Variants in AMPH observed in about 807,000 individuals in gnomAD.
AMPH encodes the protein amphiphysin (Stiff-Mann syndrome with breast cancer 128kD autoantigen).
AMPH carries 49 observed loss-of-function variants against 99.1 expected under a neutral mutation model. The ratio of observed to expected loss-of-function variants is 0.49; its 90% confidence interval spans 0.39 to 0.63. The LOEUF is 0.63. Ranked by LOEUF, AMPH falls within the 20% of genes least tolerant of loss-of-function variation. The probability of loss-of-function intolerance (pLI) is 0.00; values close to 1 mark genes in which losing one functional copy is unlikely to be tolerated. For missense variants in AMPH, 759 were observed against 863.4 expected, an observed-to-expected ratio of 0.88 and a Z score of 1.52; for synonymous variants, 314 against 317.3, an observed-to-expected ratio of 0.99 and a Z score of 0.11.
intron 1 of AMPH, among the ~76,000 whole-genome samples, chr7:38,624,546 TAAA>T (rs57099272): frequency 2.3e-5 from 3 of 130,272 alleles, no homozygotes; most frequent in African/African-American, 2.8e-5. Flanking sequence ...ACAGTCATGG[TAAA>T]AAAAAAAAAA....
chr7:38,605,829 G>A (rs932847995), intron 1 of AMPH, among the ~76,000 whole-genome samples: 33 of 151,996 alleles, frequency 2.2e-4, no homozygotes, highest in African/African-American at 7.5e-4. Flanking sequence ...TGATTCACCC[G>A]CCTCCCAAAG....
chr7:38,439,521 A>C (rs1786421148), intron 11 of AMPH, among the ~76,000 whole-genome samples: 1 of 152,178 alleles, frequency 6.6e-6, no homozygotes. Context: ...CGTACTCACA[A>C]CTCTGTCACC....
At chr7:38,619,718 G>A (rs1034951317) in intron 1 of AMPH, among the ~76,000 whole-genome samples, 5 of 152,146 alleles carry the variant, frequency 3.3e-5, no homozygotes, top group African/African-American at 1.2e-4. Context: ...TGCTTAACAG[G>A]AACAACTATG....
At chr7:38,398,100 G>A (rs113958223) in intron 17 of AMPH, among the ~76,000 whole-genome samples, 1 of 135,622 alleles carries the variant, frequency 7.4e-6, no homozygotes, top group African/African-American at 2.8e-5. Flanking sequence ...CAGTTTGGAG[G>A]TTCCTCAAAA....
At chr7:38,551,129 A>G (rs938741049) in intron 1 of AMPH, among the ~76,000 whole-genome samples, 3 of 152,160 alleles carry the variant, frequency 2.0e-5, no homozygotes, top group Non-Finnish European at 2.9e-5. Context: ...GGATTTCAGC[A>G]CCACTGTTTC....
intron 5 of AMPH, among the ~76,000 whole-genome samples, chr7:38,481,382 T>A (rs1788277383): frequency 6.6e-6 from 1 of 152,180 alleles, no homozygotes; most frequent in African/African-American, 2.4e-5. Context: ...CATTGTGCAC[T>A]GAACCTCTAT....
chr7:38,443,702 G>A (rs1480935479), intron 11 of AMPH, among the ~76,000 whole-genome samples: 2 of 151,982 alleles, frequency 1.3e-5, no homozygotes, highest in Non-Finnish European at 2.9e-5. Flanking sequence ...TCCTCAATCT[G>A]ATAAAAGCCA....
At chr7:38,447,263 C>T (rs769868802) in intron 11 of AMPH, among the ~76,000 whole-genome samples, 2 of 152,192 alleles carry the variant, frequency 1.3e-5, no homozygotes, top group Non-Finnish European at 2.9e-5. Context: ...AGGTGATCCG[C>T]TCACCTTGGC....
intron 14 of AMPH, among the ~76,000 whole-genome samples, chr7:38,427,577 C>T (rs185546280): frequency 1.3e-5 from 2 of 151,492 alleles, no homozygotes; most frequent in East Asian, 3.9e-4. Flanking sequence ...TAATTCCCAA[C>T]ACAATCATTC....
intron 16 of AMPH, among the ~76,000 whole-genome samples, chr7:38,419,053 A>T (rs1177429777): frequency 6.6e-6 from 1 of 151,918 alleles, no homozygotes. Context: ...GGCTCATAAG[A>T]TCCTTTTCTA....
intron 11 of AMPH, among the ~76,000 whole-genome samples, chr7:38,460,392 A>G (rs879335990): frequency 5.0e-4 from 76 of 152,340 alleles, no homozygotes; most frequent in Admixed American, 4.2e-3. Flanking sequence ...CTGCACTTGC[A>G]TGGTTATCAC....
intron 17 of AMPH, among the ~76,000 whole-genome samples, chr7:38,406,409 G>A (rs1201391847): frequency 6.6e-6 from 1 of 152,002 alleles, no homozygotes; most frequent in East Asian, 1.9e-4. Context: ...AAAATCTTAC[G>A]AAGGATCAAC....
At chr7:38,484,610 T>G (rs1562784634) in intron 5 of AMPH, among the ~76,000 whole-genome samples, 1 of 152,042 alleles carries the variant, frequency 6.6e-6, no homozygotes, top group Non-Finnish European at 1.5e-5. Context: ...TTCTTTAACA[T>G]GAAATTAAAG....
At chr7:38,422,875 C>T (rs1219238322) in intron 15 of AMPH, among the ~76,000 whole-genome samples, 2 of 152,220 alleles carry the variant, frequency 1.3e-5, no homozygotes, top group Non-Finnish European at 2.9e-5. Flanking sequence ...CGAGCTTGGC[C>T]TCCCAGAGTG....
At chr7:38,610,529 T>TA (rs1348777839) in intron 1 of AMPH, among the ~76,000 whole-genome samples, 3 of 151,618 alleles carry the variant, frequency 2.0e-5, no homozygotes, top group African/African-American at 4.8e-5. Flanking sequence ...CTTGGATTAT[T>TA]AAAAAAATAG....
chr7:38,515,326 G>C (rs546125009), intron 2 of AMPH, among the ~76,000 whole-genome samples: 14 of 152,310 alleles, frequency 9.2e-5, no homozygotes, highest in African/African-American at 3.4e-4. Flanking sequence ...GGAGATGACT[G>C]GATCATGGGG....
intron 1 of AMPH, among the ~76,000 whole-genome samples, chr7:38,565,075 G>T (rs1791686259): frequency 6.7e-6 from 1 of 148,582 alleles, no homozygotes; most frequent in African/African-American, 2.5e-5. Flanking sequence ...AGTGAGCCGA[G>T]ATCGTGCCAC....
chr7:38,544,277 T>C (rs898049352), intron 1 of AMPH, among the ~76,000 whole-genome samples: 2 of 152,202 alleles, frequency 1.3e-5, no homozygotes, highest in South Asian at 2.1e-4. Flanking sequence ...ACAAAATGTA[T>C]GTTCTCCCTA....
intron 2 of AMPH, among the ~76,000 whole-genome samples, chr7:38,505,404 T>C (rs1357843228): frequency 6.6e-6 from 1 of 152,212 alleles, no homozygotes; most frequent in Non-Finnish European, 1.5e-5. Context: ...AAGCTTAGGA[T>C]GAGTCCATTT....
Sources: allele counts gnomAD v4.1 joint callset (sites outside exome capture counted in the v4.1 genomes callset), GRCh38; gene constraint gnomAD v4.1.1; transcripts MANE v1.5; gene names NCBI Gene and HGNC (gene_info 2026-07-23, HGNC 2026-07-21).